LZTS1: variants seen among roughly 807,000 people sequenced by gnomAD.
LZTS1 encodes the protein leucine zipper tumor suppressor 1.
LZTS1 carries 31 observed loss-of-function variants against 45.8 expected under a neutral mutation model. The observed-to-expected ratio is 0.68, with a 90% confidence interval of 0.51 to 0.91. The LOEUF (loss-of-function observed/expected upper bound fraction) is 0.91. Ranked by LOEUF, LZTS1 falls within the 40% of genes least tolerant of loss-of-function variation. LZTS1 has a pLI of 0.00. For missense variants in LZTS1, 821 were observed against 788.9 expected (o/e 1.04, Z -0.49); for synonymous variants, 359 against 357.3 (o/e 1.00, Z -0.05).
At chr8:20,250,868 G>A (rs1180581999) in intron 3 of LZTS1, among the ~76,000 whole-genome samples, 3 of 151,856 alleles carry the variant, frequency 2.0e-5, no homozygotes, top group Non-Finnish European at 4.4e-5. Flanking sequence ...CAAAGTGCTG[G>A]GATTGCAGGC....
At chr8:20,297,367 G>T (rs1009653925) in intron 1 of LZTS1, among the ~76,000 whole-genome samples, 6 of 152,158 alleles carry the variant, frequency 3.9e-5, no homozygotes, top group African/African-American at 1.4e-4. Flanking sequence ...CAAATGCCAA[G>T]TAGACATTCC....
chr8:20,292,824 C>T (rs776327524), intron 1 of LZTS1, among the ~76,000 whole-genome samples: 8 of 152,176 alleles, frequency 5.3e-5, no homozygotes, highest in South Asian at 2.1e-4. Context: ...TGTGGACCAT[C>T]GATCCTGGCT....
chr8:20,280,041 A>G (rs1462692110), intron 1 of LZTS1, among the ~76,000 whole-genome samples: 1 of 152,058 alleles, frequency 6.6e-6, no homozygotes, highest in Non-Finnish European at 1.5e-5. Context: ...CATCCCAAGA[A>G]GTAGAATTGC....
chr8:20,256,444 CG>C lies in LZTS1; in HGVS notation c.-134-1130del, dbSNP rs375328312. 3.9e-4 allele frequency among the ~76,000 whole-genome samples: 60 copies of C among 152,112 alleles called. 1 individual carries two copies. The South Asian group carries it at 9.6e-3, about 24-fold the overall frequency. On this transcript the variant is annotated intron_variant, in intron 1 of 3. Coordinates refer to ENST00000381569, the MANE Select transcript of LZTS1 (RefSeq NM_021020.5). Reference sequence around the variant, plus strand: ...GTGGGGAAGAAGCTTATTGAGGAGACGGGGGATAGAAGTGGTGGCCAATTAC... The same window carrying C: ...GTGGGGAAGAAGCTTATTGAGGAGACGGGGATAGAAGTGGTGGCCAATTAC...
intron 1 of LZTS1, among the ~76,000 whole-genome samples, chr8:20,281,465 C>G (rs534238672): frequency 6.6e-6 from 1 of 151,980 alleles, no homozygotes; most frequent in Non-Finnish European, 1.5e-5. Flanking sequence ...CTCAGCTACT[C>G]GGGAGGCCGA....
intron 1 of LZTS1, among the ~76,000 whole-genome samples, chr8:20,261,700 A>C (rs1191399156): frequency 6.6e-6 from 1 of 152,248 alleles, no homozygotes; most frequent in Non-Finnish European, 1.5e-5. Flanking sequence ...AACCTGACTC[A>C]TCGTCTCATC....
intron 1 of LZTS1, among the ~76,000 whole-genome samples, chr8:20,288,199 C>G (rs963790759): frequency 1.2e-4 from 18 of 152,174 alleles, no homozygotes; most frequent in Non-Finnish European, 1.5e-5. Context: ...CTCCCTCCCT[C>G]CCCCACACAG....
intron 1 of LZTS1, among the ~76,000 whole-genome samples, chr8:20,293,863 C>T (rs991623010): frequency 6.6e-6 from 1 of 152,094 alleles, no homozygotes; most frequent in Non-Finnish European, 1.5e-5. Flanking sequence ...TTCGAGGCTG[C>T]AGTAAGCAGG....
At chr8:20,276,245 ATT>A (rs67555163) in intron 1 of LZTS1, among the ~76,000 whole-genome samples, 4,898 of 145,760 alleles carry the variant, frequency 0.034, 253 homozygotes, top group African/African-American at 0.11. Context: ...CTCCAGAGTG[ATT>A]TTTTTTTTTT....
intron 1 of LZTS1, among the ~76,000 whole-genome samples, chr8:20,273,437 C>T (rs1429382282): frequency 6.6e-6 from 1 of 152,186 alleles, no homozygotes; most frequent in Non-Finnish European, 1.5e-5. Flanking sequence ...CTGCGCTTCC[C>T]TCGGAGGGGC....
intron 1 of LZTS1, among the ~76,000 whole-genome samples, chr8:20,255,698 G>A (rs928588475): frequency 1.2e-4 from 18 of 152,136 alleles, no homozygotes; most frequent in Admixed American, 3.9e-4. Context: ...GGAGCAGAGA[G>A]GACAGAACAG....
intron 1 of LZTS1, among the ~76,000 whole-genome samples, chr8:20,273,897 T>C (rs973696010): frequency 1.4e-4 from 21 of 152,260 alleles, no homozygotes; most frequent in African/African-American, 5.1e-4. Context: ...TGTATCTTCA[T>C]GTCATCCGCC....
In LZTS1 at chr8:20,250,086, T is replaced by G; in HGVS notation, c.1427A>C (p.Gln476Pro). ...EKVNLLEQELQELRAQAALAR... is the reference protein window; with the variant it reads ...EKVNLLEQELPELRAQAALAR... The stretch of plus-strand genomic sequence containing the variant: ...CAGGGCGGCCTGGGCCCGCAGCTCC[T>G]GCAGCTCCTGCTCCAGCAGGTTCAC... Residue 476 changes from glutamine (Q) to proline (P), a missense_variant, in exon 4 of 4, where the codon CAG becomes CCG. Physicochemically the swap from Gln to Pro is moderately conservative, Grantham distance 76. Transcript: ENST00000381569. 6.2e-7 allele frequency: 1 copy of G among 1,607,148 alleles called. No homozygotes were observed. The highest frequency in any genetic ancestry group is 8.5e-7 in the Non-Finnish European group (1 of 1,179,334).
chr8:20,254,826 C>T lies in LZTS1; in HGVS notation c.345+11G>A. ...CCAACCCACTTACCCTTGCCAGCGACCCCCGCTTACCATTTCTAGCTGATT... is the reference window on the plus strand; with the variant it reads ...CCAACCCACTTACCCTTGCCAGCGATCCCCGCTTACCATTTCTAGCTGATT... On this transcript the variant is annotated intron_variant, in intron 2 of 3. Coordinates refer to ENST00000381569, the MANE Select transcript of LZTS1 (RefSeq NM_021020.5). The T allele has an allele frequency of 6.3e-7, 1 of 1,592,050 alleles. No individual in the cohort carries two copies. The highest frequency in any genetic ancestry group is 8.6e-7 in the Non-Finnish European group (1 of 1,166,888).
intron 1 of LZTS1, among the ~76,000 whole-genome samples, chr8:20,258,080 T>A (rs1800147841): frequency 6.6e-6 from 1 of 152,192 alleles, no homozygotes. Context: ...TGCCAGCACA[T>A]GTGCAGATTC....
At chr8:20,294,715 A>C (rs944921690) in intron 1 of LZTS1, among the ~76,000 whole-genome samples, 2 of 152,046 alleles carry the variant, frequency 1.3e-5, no homozygotes, top group African/African-American at 4.8e-5. Flanking sequence ...GGAAGAGCTC[A>C]AGCTGGAGTG....
chr8:20,263,337 CT>C lies in LZTS1; in HGVS notation c.-134-8023del, dbSNP rs200678717. On this transcript the variant is annotated intron_variant, in intron 1 of 3. Coordinates refer to ENST00000381569, the MANE Select transcript of LZTS1 (RefSeq NM_021020.5). ...CACGAGGGTCTGGATTCATTTCAGT[CT>C]TTTTTTTTTTTGAGACCTCTTAAGA... is the stretch of plus-strand genomic sequence containing the variant. 5.1e-3 allele frequency among the ~76,000 whole-genome samples: 746 copies of C among 145,320 alleles called. 3 individuals carry two copies. The highest frequency in any genetic ancestry group is 0.012 in the African/African-American group (473 of 40,054).
At chr8:20,251,149 A>ATATATATAT (rs1563851089) in intron 3 of LZTS1, among the ~76,000 whole-genome samples, 2 of 100,232 alleles carry the variant, frequency 2.0e-5, no homozygotes, top group Admixed American at 1.3e-4. Context: ...ATATATATAT[A>ATATATATAT]AAATATAAAG....
intron 1 of LZTS1, among the ~76,000 whole-genome samples, chr8:20,266,867 G>A (rs1800367985): frequency 6.6e-6 from 1 of 152,114 alleles, no homozygotes; most frequent in Non-Finnish European, 1.5e-5. Context: ...CAGCACTTGG[G>A]GATGCCAAGG....
Sources: gnomAD v4.1 joint callset for allele counts (sites outside exome capture counted in the v4.1 genomes callset) on GRCh38, gnomAD v4.1.1 for gene constraint, MANE v1.5 for transcripts, NCBI Gene and HGNC (gene_info 2026-07-23, HGNC 2026-07-21) for gene names.